Variants in GRIN3A observed in about 807,000 individuals in gnomAD.
GRIN3A encodes glutamate ionotropic receptor NMDA type subunit 3A.
Under a neutral mutation model 92.4 loss-of-function variants are expected in GRIN3A, and 47 were observed. That is an observed-to-expected ratio of 0.51 (90% CI 0.40 to 0.65). The LOEUF is 0.65. GRIN3A is among the 30% of genes least tolerant of loss of function. The pLI is 0.00. For missense variants in GRIN3A, 1,324 were observed against 1,393.1 expected, an observed-to-expected ratio of 0.95 and a Z score of 0.79; for synonymous variants, 527 against 540.6, an observed-to-expected ratio of 0.97 and a Z score of 0.35.
At chr9:101,638,842 G>A (rs1828816717) in intron 3 of GRIN3A, among the ~76,000 whole-genome samples, 1 of 152,254 alleles carries the variant, frequency 6.6e-6, no homozygotes, top group African/African-American at 2.4e-5. Flanking sequence ...CTTGGCGTTA[G>A]ACTCAGTTCC....
intron 7 of GRIN3A, among the ~76,000 whole-genome samples, 191 bp from the exon 8 acceptor site, chr9:101,578,035 G>C (rs1193887320): frequency 6.6e-6 from 1 of 152,104 alleles, no homozygotes; most frequent in Non-Finnish European, 1.5e-5. Context: ...TCTAATTAGA[G>C]GTTATTATTC....
intron 3 of GRIN3A, among the ~76,000 whole-genome samples, chr9:101,638,813 C>G (rs1411422251): frequency 6.6e-6 from 1 of 152,202 alleles, no homozygotes; most frequent in East Asian, 1.9e-4. Flanking sequence ...TTTGGCATTA[C>G]TAGCTATCCC....
chr9:101,683,745 A>G (rs1419634161), intron 2 of GRIN3A, among the ~76,000 whole-genome samples: 2 of 151,894 alleles, frequency 1.3e-5, no homozygotes, highest in Non-Finnish European at 2.9e-5. Flanking sequence ...AAACCTCACA[A>G]TCTTCTTTTA....
intron 6 of GRIN3A, among the ~76,000 whole-genome samples, chr9:101,596,803 A>T (rs1828139341): frequency 6.6e-6 from 1 of 152,240 alleles, no homozygotes; most frequent in African/African-American, 2.4e-5. Context: ...TCTAAAGAAG[A>T]GCTGAATGAT....
intron 1 of GRIN3A, among the ~76,000 whole-genome samples, chr9:101,706,791 T>G (rs1829819864): frequency 6.6e-6 from 1 of 152,184 alleles, no homozygotes; most frequent in Admixed American, 6.5e-5. Flanking sequence ...CAGATTTCTT[T>G]CTTCACCCCA....
intron 3 of GRIN3A, among the ~76,000 whole-genome samples, chr9:101,634,348 A>G (rs1380922037): frequency 5.3e-5 from 8 of 150,558 alleles, no homozygotes; most frequent in African/African-American, 1.5e-4. Context: ...AAAAAAAAAA[A>G]AAAAGAAAAT....
chr9:101,649,185 A>T (rs1828978302), intron 3 of GRIN3A, among the ~76,000 whole-genome samples: 1 of 152,042 alleles, frequency 6.6e-6, no homozygotes, highest in Non-Finnish European at 1.5e-5. Flanking sequence ...CTGGAACTTA[A>T]TCCTTGCCTT....
intron 1 of GRIN3A, among the ~76,000 whole-genome samples, chr9:101,719,596 TCTGCAA>T (rs1030003045): frequency 9.2e-5 from 14 of 152,060 alleles, no homozygotes; most frequent in African/African-American, 3.1e-4. Context: ...CCCCTCTCAT[TCTGCAA>T]GGAGAACCTA....
chr9:101,719,183 C>T (rs936633369), intron 1 of GRIN3A, among the ~76,000 whole-genome samples: 6 of 152,042 alleles, frequency 3.9e-5, no homozygotes, highest in Admixed American at 3.9e-4. Flanking sequence ...CTTTGGGAGG[C>T]CGAAGCGGGC....
intron 1 of GRIN3A, among the ~76,000 whole-genome samples, chr9:101,704,346 G>T (rs561234128): frequency 1.1e-4 from 16 of 152,186 alleles, no homozygotes; most frequent in African/African-American, 3.9e-4. Flanking sequence ...CACTTCCAGG[G>T]TAACTCATGT....
At chr9:101,602,228 T>C (rs1429545741) in intron 6 of GRIN3A, among the ~76,000 whole-genome samples, 6 of 152,226 alleles carry the variant, frequency 3.9e-5, no homozygotes, top group Admixed American at 3.3e-4. Flanking sequence ...TCAGATACCC[T>C]GGAGGAAATG....
At chr9:101,616,670 T>G (rs1828458673) in intron 5 of GRIN3A, among the ~76,000 whole-genome samples, 1 of 143,192 alleles carries the variant, frequency 7.0e-6, no homozygotes, top group Admixed American at 7.3e-5. Flanking sequence ...GTATTCTCAC[T>G]TATAGGTGGG....
At chr9:101,586,429 C>T (rs575206045) in intron 6 of GRIN3A, among the ~76,000 whole-genome samples, 1 of 152,150 alleles carries the variant, frequency 6.6e-6, no homozygotes, top group African/African-American at 2.4e-5. Flanking sequence ...TAATTTCCCC[C>T]ACCCCCGATC....
intron 1 of GRIN3A, among the ~76,000 whole-genome samples, chr9:101,730,805 C>A (rs1830128382): frequency 6.6e-6 from 1 of 151,980 alleles, no homozygotes; most frequent in South Asian, 2.1e-4. Context: ...TATTGAAAGT[C>A]TAGATGAGAA....
At position 101,670,824 on chromosome 9, in the gene GRIN3A, C is replaced by G. The variant is rs747654427; in HGVS notation, c.1588G>C (p.Glu530Gln). The G allele has an allele frequency of 1.9e-6, 3 of 1,614,040 alleles. No homozygotes were observed. Among genetic ancestry groups the G allele is most frequent in the Non-Finnish European group, 2.5e-6 (3 of 1,179,952 alleles). Residue 530 changes from glutamate (E) to glutamine (Q), a missense_variant, in exon 3 of 9, where the codon GAG becomes CAG. Physicochemically the swap from Glu to Gln is conservative, Grantham distance 29 (BLOSUM62 2). Transcript: ENST00000361820. ...LIEHPFVFTR[E>Q]VDDEGLCPAG... is the part of the protein sequence containing the mutation. ...GGGCACAAGCCTTCATCATCTACCT[C>G]CCTTGTGAAGACAAAAGGATGCTCA...
rs527949927 is a variant in GRIN3A, at chr9:101,597,268, A to C, written c.2766+16108T>G. Among the ~76,000 whole-genome samples the C allele has an allele frequency of 3.3e-5, 5 of 152,280 alleles. No individual in the cohort carries two copies. The South Asian group carries it at 6.2e-4, about 19-fold the overall frequency. On this transcript the variant is annotated intron_variant, in intron 6 of 8. Coordinates refer to ENST00000361820, the MANE Select transcript of GRIN3A (RefSeq NM_133445.3). ...ACCTATGAGCCATCAGACATGGCTT[A>C]TAACATATGGGAGCTTCCATTTGAA...
Position 101,737,784 on chromosome 9 carries a change from T to A in GRIN3A, c.196A>T (p.Ser66Cys). The A allele has an allele frequency of 6.5e-7, 1 of 1,526,788 alleles. No homozygotes were observed. The highest frequency in any genetic ancestry group is 2.0e-5 in the Admixed American group (1 of 50,628). The allele number at this position is 1,526,788 out of a possible 1,614,324, so 94.6% of individuals were successfully genotyped here. The change falls in exon 1 of 9, where the codon AGC (serine) becomes TGC (cysteine). Residue 66 changes from serine (S) to cysteine (C), a missense_variant. Coordinates refer to ENST00000361820, the MANE Select transcript of GRIN3A (RefSeq NM_133445.3). ...QPWTTAPRAA[S>C]RAPDDSRAGA... ...GCTCGGCTGTCGTCCGGAGCGCGGCTGGCCGCGCGGGGGGCGGTGGTCCAG... is the reference window on the plus strand; with the variant it reads ...GCTCGGCTGTCGTCCGGAGCGCGGCAGGCCGCGCGGGGGGCGGTGGTCCAG...
intron 3 of GRIN3A, among the ~76,000 whole-genome samples, chr9:101,634,695 T>C (rs1209648679): frequency 6.6e-6 from 1 of 152,152 alleles, no homozygotes; most frequent in East Asian, 1.9e-4. Flanking sequence ...CCAAGTCTTG[T>C]GAAAATCCAA....
At chr9:101,641,935 T>A (rs1229787754) in intron 3 of GRIN3A, among the ~76,000 whole-genome samples, 1 of 152,154 alleles carries the variant, frequency 6.6e-6, no homozygotes, top group African/African-American at 2.4e-5. Flanking sequence ...TGTTTGATAA[T>A]CATCATCTGT....
Sources: gnomAD v4.1 joint callset for allele counts (sites outside exome capture counted in the v4.1 genomes callset) on GRCh38, gnomAD v4.1.1 for gene constraint, MANE v1.5 for transcripts, NCBI Gene and HGNC (gene_info 2026-07-23, HGNC 2026-07-21) for gene names.